The following PSMD14 variants were observed in gnomAD, a reference collection of about 807,000 sequenced individuals.
The protein encoded by PSMD14 is ubiquitin C-terminal hydrolase PSMD14.
In PSMD14, 7 loss-of-function variants were observed where a neutral mutation model predicts 41.2. The ratio of observed to expected loss-of-function variants is 0.17; its 90% CI spans 0.10 to 0.32. PSMD14 has a LOEUF of 0.32. Among genes scored for constraint, PSMD14 ranks in the 10% least tolerant of loss-of-function variants. PSMD14 has a pLI of 1.00. For synonymous variants in PSMD14, 114 were observed against 122.3 expected, an observed-to-expected ratio of 0.93 and a Z score of 0.45; for missense variants, 139 against 375.6, an observed-to-expected ratio of 0.37 and a Z score of 5.21.
intron 3 of PSMD14, among the ~76,000 whole-genome samples, chr2:161,338,499 T>G (rs1682900898): frequency 6.6e-6 from 1 of 152,160 alleles, no homozygotes; most frequent in African/African-American, 2.4e-5. Flanking sequence ...CTTTTAGACT[T>G]GGAAAAGCAT....
At chr2:161,359,507 T>C (rs376995488) in intron 3 of PSMD14, among the ~76,000 whole-genome samples, 10 of 152,198 alleles carry the variant, frequency 6.6e-5, no homozygotes, top group African/African-American at 1.7e-4. Flanking sequence ...AGATTTTTTT[T>C]TTAATTGGAC....
intron 3 of PSMD14, among the ~76,000 whole-genome samples, chr2:161,325,702 CA>C (rs919945400): frequency 6.6e-6 from 1 of 152,034 alleles, no homozygotes; most frequent in Non-Finnish European, 1.5e-5. Context: ...TCAAGAATAG[CA>C]AAGAAATTCC....
chr2:161,330,181 A>G (rs958170003), intron 3 of PSMD14, among the ~76,000 whole-genome samples: 2 of 152,238 alleles, frequency 1.3e-5, no homozygotes, highest in African/African-American at 2.4e-5. Flanking sequence ...AATTAGTGAC[A>G]TTCTGATGAA....
In PSMD14 at chr2:161,411,473, G is replaced by T; in HGVS notation, c.*73G>T. On this transcript the variant is annotated 3_prime_UTR_variant, in exon 12 of 12. Coordinates refer to ENST00000409682, the MANE Select transcript of PSMD14 (RefSeq NM_005805.6). The stretch of plus-strand genomic sequence containing the variant: ...TTGTTCCTAATGCTCAAAATCAAGG[G>T]ACCTCTGAAGGTGTACTTGGCTAAA... The T allele has an allele frequency of 9.2e-7, 1 of 1,083,654 alleles. No homozygotes were observed. 67.1% of individuals were successfully genotyped at this position (1,083,654 alleles called of 1,614,324 possible). A position where few individuals can be genotyped will look rare whatever the true frequency, so the allele number is the denominator to read the frequency against.
intron 1 of PSMD14, among the ~76,000 whole-genome samples, chr2:161,309,026 C>CT (rs1689058011): frequency 6.6e-6 from 1 of 152,176 alleles, no homozygotes. Context: ...TCCTGTAAGC[C>CT]TTAACCCTTT....
intron 3 of PSMD14, among the ~76,000 whole-genome samples, chr2:161,343,160 T>G (rs74169403): frequency 0.025 from 3,768 of 152,306 alleles, 71 homozygotes; most frequent in Non-Finnish European, 0.037. Context: ...ATCACTGCCA[T>G]CTGTCAGAAC....
intron 3 of PSMD14, among the ~76,000 whole-genome samples, chr2:161,344,898 A>C (rs1050496824): frequency 6.6e-6 from 1 of 152,214 alleles, no homozygotes; most frequent in Non-Finnish European, 1.5e-5. Flanking sequence ...GATGAAGTCC[A>C]ATGAATCAGT....
chr2:161,360,417 A>G (rs902220006), intron 3 of PSMD14, among the ~76,000 whole-genome samples: 5 of 149,368 alleles, frequency 3.3e-5, no homozygotes, highest in Non-Finnish European at 7.4e-5. Flanking sequence ...GTGCAGTGGC[A>G]TGATTTTGGC....
Position 161,368,023 on chromosome 2 carries a change from A to G in PSMD14, c.240+120A>G, listed in dbSNP as rs1334842803. The G allele has an allele frequency of 3.3e-6, 4 of 1,205,846 alleles. No individual in the cohort carries two copies. In the South Asian group the frequency reaches 7.0e-5, roughly 21 times the overall value. The allele number at this position is 1,205,846 out of a possible 1,614,324, so 74.7% of individuals were successfully genotyped here. A position where few individuals can be genotyped will look rare whatever the true frequency, so the allele number is the denominator to read the frequency against. On this transcript the variant is annotated intron_variant, in intron 5 of 11. Transcript: ENST00000409682. The stretch of plus-strand genomic sequence containing the variant: ...CTTTCCAGTAGGAAAAATTAATCAT[A>G]AGTTTGATAGAAATTTTTAGATTGT...
At chr2:161,346,399 C>A (rs1683042702) in intron 3 of PSMD14, among the ~76,000 whole-genome samples, 1 of 151,804 alleles carries the variant, frequency 6.6e-6, no homozygotes, top group Non-Finnish European at 1.5e-5. Context: ...CATGTGTCTC[C>A]TTAACTTTTT....
At chr2:161,322,475 G>A (rs1297712167) in intron 3 of PSMD14, among the ~76,000 whole-genome samples, 4 of 152,000 alleles carry the variant, frequency 2.6e-5, no homozygotes, top group Non-Finnish European at 5.9e-5. Context: ...CTGCAGTCTC[G>A]CCCTCCTGGA....
At position 161,397,230 on chromosome 2, in the gene PSMD14, A is replaced by G. The variant is rs140489394; in HGVS notation, c.771+2027A>G. Among the ~76,000 whole-genome samples the G allele has an allele frequency of 2.1e-3, 323 of 152,276 alleles. 2 individuals are homozygous for G. The highest frequency in any genetic ancestry group is 7.1e-3 in the African/African-American group (295 of 41,574). On this transcript the variant is annotated intron_variant, in intron 10 of 11. Coordinates refer to ENST00000409682, the MANE Select transcript of PSMD14 (RefSeq NM_005805.6). ...AGGAACACTGTAAGAGAAGATTTGA[A>G]ATGGAGAGTGTGTTTAAGAGGAGCT...
At chr2:161,337,961 AC>A (rs1412409010) in intron 3 of PSMD14, among the ~76,000 whole-genome samples, 1 of 152,242 alleles carries the variant, frequency 6.6e-6, no homozygotes, top group Non-Finnish European at 1.5e-5. Context: ...CTTAATTGTT[AC>A]AAGAATAAAA....
In PSMD14 at chr2:161,316,140, A is replaced by G. The variant is rs1190639771; in HGVS notation, c.-137-297A>G. On this transcript the variant is annotated intron_variant, in intron 1 of 11. Coordinates refer to ENST00000409682, the MANE Select transcript of PSMD14 (RefSeq NM_005805.6). ...ATTACAGGCGTGAGCCACTGCGCCCAGCCTGTTTTGTTCTTGGAAAGATGT... is the reference window on the plus strand; with the variant it reads ...ATTACAGGCGTGAGCCACTGCGCCCGGCCTGTTTTGTTCTTGGAAAGATGT... Among the ~76,000 whole-genome samples, 12 of 152,294 alleles carry G rather than the reference A, an allele frequency of 7.9e-5. No homozygotes were observed. The East Asian group carries it at 2.3e-3, about 29-fold the overall frequency.
intron 7 of PSMD14, among the ~76,000 whole-genome samples, chr2:161,372,729 T>C (rs958921640): frequency 1.2e-4 from 19 of 152,034 alleles, no homozygotes; most frequent in African/African-American, 4.6e-4. Context: ...TGATGCCTCT[T>C]AAGTTTAATT....
intron 6 of PSMD14, among the ~76,000 whole-genome samples, chr2:161,370,621 A>G (rs1040179470): frequency 6.6e-6 from 1 of 152,196 alleles, no homozygotes; most frequent in Non-Finnish European, 1.5e-5. Flanking sequence ...AAATCTCTCA[A>G]TAGTTGTCAT....
At chr2:161,407,565 CTG>C (rs1683963949) in intron 10 of PSMD14, 1 of 152,100 alleles carries the variant, frequency 6.6e-6, no homozygotes, top group African/African-American at 2.4e-5. Context: ...TTCAAGTTCT[CTG>C]TTTACAAAAC....
intron 10 of PSMD14, among the ~76,000 whole-genome samples, chr2:161,400,349 A>G (rs1375498222): frequency 6.6e-6 from 1 of 152,198 alleles, no homozygotes; most frequent in Admixed American, 6.5e-5. Context: ...AAGAAAGGGC[A>G]AAAGGGGGAT....
At chr2:161,360,107 A>C (rs141944813) in intron 3 of PSMD14, among the ~76,000 whole-genome samples, 2 of 152,026 alleles carry the variant, frequency 1.3e-5, no homozygotes, top group Non-Finnish European at 2.9e-5. Context: ...TGATAGGACT[A>C]TGTGGCTCAT....
Sources: allele counts gnomAD v4.1 joint callset (sites outside exome capture counted in the v4.1 genomes callset), GRCh38; gene constraint gnomAD v4.1.1; transcripts MANE v1.5; gene names NCBI Gene and HGNC (gene_info 2026-07-23, HGNC 2026-07-21).